Variants in GALNT18 observed in about 807,000 individuals in gnomAD.
GALNT18 encodes polypeptide N-acetylgalactosaminyltransferase 18.
A neutral mutation model predicts 69.5 loss-of-function variants in GALNT18; 44 were observed. The ratio of observed to expected loss-of-function variants is 0.63; its 90% confidence interval spans 0.50 to 0.81. The LOEUF (loss-of-function observed/expected upper bound fraction) is 0.81, where lower values mean the gene tolerates loss of function less well. GALNT18 is among the 40% of genes least tolerant of loss of function. GALNT18 has a pLI of 0.00. For synonymous variants in GALNT18, 364 were observed against 318.2 expected (o/e 1.14, Z -1.53); for missense variants, 715 against 810.0 (o/e 0.88, Z 1.42).
chr11:11,291,089 A>G (rs1157563933), intron 10 of GALNT18, among the ~76,000 whole-genome samples: 1 of 152,188 alleles, frequency 6.6e-6, no homozygotes, highest in Non-Finnish European at 1.5e-5. Context: ...AAAGGAGGGA[A>G]ATGTAGCCTC....
chr11:11,605,179 G>C lies in GALNT18; in HGVS notation c.235+16180C>G, dbSNP rs1053218895. ...TTACTGTGTCCGTTTCCTGTCTGGGGAAAGTGGAGAAGGGTCTGTGGTGCC... is the reference window on the plus strand; with the variant it reads ...TTACTGTGTCCGTTTCCTGTCTGGGCAAAGTGGAGAAGGGTCTGTGGTGCC... On this transcript the variant is annotated intron_variant, in intron 1 of 10. Coordinates refer to ENST00000227756, the MANE Select transcript of GALNT18 (RefSeq NM_198516.3). This position sits in a 1 kb window ranked among gnomAD's most constrained non-coding sequence, Gnocchi z 4.7. 2.6e-5 allele frequency among the ~76,000 whole-genome samples: 4 copies of C among 152,174 alleles called. No homozygotes were observed. Among genetic ancestry groups the C allele is most frequent in the African/African-American group, 9.7e-5 (4 of 41,436 alleles).
intron 3 of GALNT18, among the ~76,000 whole-genome samples, chr11:11,427,153 T>C (rs1002785765): frequency 2.6e-5 from 4 of 152,250 alleles, no homozygotes; most frequent in African/African-American, 9.6e-5. Context: ...GCATGATAGA[T>C]CGGAGCCAGC....
chr11:11,279,408 C>G (rs57731156), intron 10 of GALNT18, among the ~76,000 whole-genome samples: 6,049 of 152,188 alleles, frequency 0.04, 401 homozygotes, highest in African/African-American at 0.14. Context: ...TTAACATATA[C>G]AACCCTATGA....
rs1384659814 is a variant in GALNT18 at position 11,619,822 on chromosome 11, T to A, written c.235+1537A>T. On this transcript the variant is annotated intron_variant, in intron 1 of 10. Transcript: ENST00000227756. This position sits in a 1 kb window ranked among gnomAD's most constrained non-coding sequence, Gnocchi z 4.9. ...GGCACCCACAGATAGGTAAATTGGT[T>A]TTCAAGCCCAGTGCCAGGTTGAGAG... is the stretch of plus-strand genomic sequence containing the variant. 2.0e-5 allele frequency among the ~76,000 whole-genome samples: 3 copies of A among 152,150 alleles called. No homozygotes were observed. The highest frequency in any genetic ancestry group is 4.4e-5 in the Non-Finnish European group (3 of 68,024).
chr11:11,345,920 A>C (rs1391853311), intron 6 of GALNT18, among the ~76,000 whole-genome samples: 1 of 152,200 alleles, frequency 6.6e-6, no homozygotes, highest in Non-Finnish European at 1.5e-5. Flanking sequence ...GGCACTGGGC[A>C]TACTTGACGG....
At chr11:11,449,046 C>G (rs1380272468) in intron 1 of GALNT18, 110 bp from the exon 2 acceptor site, 1 of 932,938 alleles carries the variant, frequency 1.1e-6, no homozygotes, top group Admixed American at 3.0e-5. Flanking sequence ...ATCTTAGCCC[C>G]TTCTTTCGGG....
rs763691030 is a variant in GALNT18 at position 11,601,121 on chromosome 11, G to A, written c.235+20238C>T. On this transcript the variant is annotated intron_variant, in intron 1 of 10. Coordinates refer to ENST00000227756, the MANE Select transcript of GALNT18 (RefSeq NM_198516.3). The surrounding 1 kb of genome is among the most constrained non-coding windows in gnomAD (Gnocchi z 4.0). ...ATAGCTACTTTGCTGTCTTTTTCTG[G>A]TAAGTCTCACATCCAGGTCCCCTGA... Among the ~76,000 whole-genome samples, 50 of 152,022 alleles carry A rather than the reference G, an allele frequency of 3.3e-4. No homozygotes were observed. Among genetic ancestry groups the A allele is most frequent in the Non-Finnish European group, 5.9e-4 (40 of 67,958 alleles).
Position 11,404,821 on chromosome 11 carries a change from C to A in GALNT18, c.596-25557G>T, listed in dbSNP as rs886461222. Among the ~76,000 whole-genome samples, 2 of 152,162 alleles carry A rather than the reference C, an allele frequency of 1.3e-5. No homozygotes were observed. Among genetic ancestry groups the A allele is most frequent in the African/African-American group, 4.8e-5 (2 of 41,426 alleles). ...TCCATCAGCTATGATTTCACCACCA[C>A]CTGGCCTCAACTTGAACATGCCCCA... On this transcript the variant is annotated intron_variant, in intron 3 of 10. Transcript: ENST00000227756. This position sits in a 1 kb window ranked among gnomAD's most constrained non-coding sequence, Gnocchi z 4.5.
chr11:11,272,135 C>G (rs1445535401), intron 10 of GALNT18, among the ~76,000 whole-genome samples: 2 of 152,194 alleles, frequency 1.3e-5, no homozygotes, highest in Non-Finnish European at 2.9e-5. Flanking sequence ...CTTAATGGCA[C>G]TTGAGTATAT....
At chr11:11,451,852 A>T (rs1319596325) in intron 1 of GALNT18, among the ~76,000 whole-genome samples, 1 of 152,254 alleles carries the variant, frequency 6.6e-6, no homozygotes, top group Non-Finnish European at 1.5e-5. Flanking sequence ...TGTCAGTGAC[A>T]TCGAATAAAG....
chr11:11,357,361 G>A (rs892916613), intron 6 of GALNT18, among the ~76,000 whole-genome samples: 12 of 152,150 alleles, frequency 7.9e-5, no homozygotes, highest in African/African-American at 2.6e-4. Context: ...AGTCTTCAAG[G>A]AGTCCCTCTG....
Position 11,354,843 on chromosome 11 carries a change from C to G in GALNT18, c.1093-13839G>C, listed in dbSNP as rs181929865. Among the ~76,000 whole-genome samples, 272 of 152,262 alleles carry G rather than the reference C, an allele frequency of 1.8e-3. 3 individuals are homozygous for G. The highest frequency in any genetic ancestry group is 6.4e-3 in the African/African-American group (264 of 41,554). On this transcript the variant is annotated intron_variant, in intron 6 of 10. Coordinates refer to ENST00000227756, the MANE Select transcript of GALNT18 (RefSeq NM_198516.3). ...TTCCCGATTTTCTTCCCTGCCTCCC[C>G]ATCTGTCCCTTAGTCTGCCCCTCAT... is the stretch of plus-strand genomic sequence containing the variant.
rs756635423 is a variant in GALNT18 at position 11,590,287 on chromosome 11, C to A, written c.235+31072G>T. Among the ~76,000 whole-genome samples, 3 of 152,186 alleles carry A rather than the reference C, an allele frequency of 2.0e-5. No homozygotes were observed. Among genetic ancestry groups the A allele is most frequent in the African/African-American group, 7.2e-5 (3 of 41,458 alleles). On this transcript the variant is annotated intron_variant, in intron 1 of 10. Transcript: ENST00000227756. This position sits in a 1 kb window ranked among gnomAD's most constrained non-coding sequence, Gnocchi z 4.4. ...ATGCTCTTTCCATGTTCTCTCTCCC[C>A]GTATCTGCCGATTGCATGCAAGGGG... is the stretch of plus-strand genomic sequence containing the variant.
intron 6 of GALNT18, among the ~76,000 whole-genome samples, chr11:11,354,947 C>T (rs1026642639): frequency 1.6e-4 from 24 of 152,258 alleles, no homozygotes; most frequent in African/African-American, 3.9e-4. Context: ...TCCAATACAT[C>T]GGCAAAAGCA....
chr11:11,491,473 T>A (rs1024949512), intron 1 of GALNT18, among the ~76,000 whole-genome samples: 1 of 152,198 alleles, frequency 6.6e-6, no homozygotes, highest in African/African-American at 2.4e-5. Flanking sequence ...GCCTGGGTTT[T>A]AAAAAGCCGA....
intron 6 of GALNT18, among the ~76,000 whole-genome samples, chr11:11,367,108 C>G (rs928871942): frequency 6.6e-6 from 1 of 152,152 alleles, no homozygotes; most frequent in African/African-American, 2.4e-5. Flanking sequence ...AGATGTAACT[C>G]AGCTACACAG....
Position 11,270,903 on chromosome 11 carries a change from TTA to T in GALNT18, c.*239_*240del. The T allele has an allele frequency of 4.9e-6, 2 of 407,900 alleles. No homozygotes were observed. 25.3% of individuals were successfully genotyped at this position (407,900 alleles called of 1,614,324 possible). ...TTTCTTAATAATATTTTATTGTCAG[TTA>T]TAAATATTTTCCATCTGTCCCCTAT... is the stretch of plus-strand genomic sequence containing the variant. On this transcript the variant is annotated 3_prime_UTR_variant, in exon 11 of 11. Transcript: ENST00000227756.
rs532998934 is a variant in GALNT18, at chr11:11,590,020, C to T, written c.235+31339G>A. Among the ~76,000 whole-genome samples, 1 of 152,252 alleles carries T rather than the reference C, an allele frequency of 6.6e-6. No homozygotes were observed. The highest frequency in any genetic ancestry group is 1.5e-5 in the Non-Finnish European group (1 of 68,048). ...CTAGGTCCTACTCCTGGCTCTGCCA[C>T]TTGCTACCTTTGTGACTTTACCTAG... On this transcript the variant is annotated intron_variant, in intron 1 of 10. Transcript: ENST00000227756. This position sits in a 1 kb window ranked among gnomAD's most constrained non-coding sequence, Gnocchi z 4.4.
chr11:11,620,637 GT>G lies in GALNT18; in HGVS notation c.235+721del, dbSNP rs549877453. On this transcript the variant is annotated intron_variant, in intron 1 of 10. Transcript: ENST00000227756. This position sits in a 1 kb window ranked among gnomAD's most constrained non-coding sequence, Gnocchi z 6.9. ...GCGCAGCCCAGGGCGTGTTCTTCCAGTCTTGGGCGGAGTCATCACCACAGTG... is the reference window on the plus strand; with the variant it reads ...GCGCAGCCCAGGGCGTGTTCTTCCAGCTTGGGCGGAGTCATCACCACAGTG... Among the ~76,000 whole-genome samples the G allele has an allele frequency of 1.2e-4, 19 of 152,298 alleles. No individual in the cohort carries two copies. Among genetic ancestry groups the G allele is most frequent in the African/African-American group, 4.6e-4 (19 of 41,566 alleles).
Sources: allele counts gnomAD v4.1 joint callset (sites outside exome capture counted in the v4.1 genomes callset), GRCh38; gene constraint gnomAD v4.1.1; non-coding constraint Gnocchi (gnomAD v3.1); transcripts MANE v1.5; gene names NCBI Gene and HGNC (gene_info 2026-07-23, HGNC 2026-07-21).